CD58: variants seen among roughly 807,000 people sequenced by gnomAD.
CD58 encodes the protein CD58 molecule, also known as lymphocyte function-associated antigen 3.
In CD58, 14 loss-of-function variants were observed where a neutral mutation model predicts 27.6. The observed-to-expected ratio is 0.51, with a 90% CI of 0.34 to 0.79. CD58 has a LOEUF of 0.79. CD58 is among the 30% of genes least tolerant of loss of function. The pLI, the probability that CD58 is intolerant of heterozygous loss-of-function variation, is 0.02. For synonymous variants in CD58, 117 were observed against 103.8 expected, an observed-to-expected ratio of 1.13 and a Z score of -0.77; for missense variants, 268 against 301.7, an observed-to-expected ratio of 0.89 and a Z score of 0.83.
intron 3 of CD58, among the ~76,000 whole-genome samples, chr1:116,526,017 T>C (rs1657419164): frequency 6.6e-6 from 1 of 152,218 alleles, no homozygotes; most frequent in South Asian, 2.1e-4. Flanking sequence ...TGTGATGAGA[T>C]CTTTGACTCA....
chr1:116,553,280 T>C (rs1251136286), intron 1 of CD58, among the ~76,000 whole-genome samples: 1 of 152,152 alleles, frequency 6.6e-6, no homozygotes, highest in Admixed American at 6.5e-5. Context: ...ATATCTTCCA[T>C]ACAAAGTTTC....
chr1:116,537,395 T>G (rs1175277610), intron 2 of CD58, among the ~76,000 whole-genome samples: 1 of 152,226 alleles, frequency 6.6e-6, no homozygotes, highest in East Asian at 1.9e-4. Context: ...AAAATTTTAA[T>G]TCCATAACAC....
Position 116,517,608 on chromosome 1 carries a change from C to A in CD58, c.743+1623G>T, listed in dbSNP as rs2101150978. On this transcript the variant is annotated intron_variant, in intron 5 of 5. Transcript: ENST00000369489. This position sits in a 1 kb window ranked among gnomAD's most constrained non-coding sequence, Gnocchi z 6.5. ...TTGTCTCTGCAGCTTTAACATGTAG[C>A]CTCCTCCCTCGAGTCTCTAACCCGG... Among the ~76,000 whole-genome samples the A allele has an allele frequency of 6.6e-6, 1 of 152,298 alleles. No homozygotes were observed. The highest frequency in any genetic ancestry group is 2.1e-4 in the South Asian group (1 of 4,828).
In CD58 at chr1:116,532,778, G is replaced by C. The variant is rs1657658774; in HGVS notation, c.628+3187C>G. 6.6e-6 allele frequency among the ~76,000 whole-genome samples: 1 copy of C among 152,230 alleles called. No individual in the cohort carries two copies. Among genetic ancestry groups the C allele is most frequent in the African/African-American group, 2.4e-5 (1 of 41,462 alleles). On this transcript the variant is annotated intron_variant, in intron 3 of 5. Transcript: ENST00000369489. The surrounding 1 kb of genome is among the most constrained non-coding windows in gnomAD (Gnocchi z 5.1). ...CTGTACACATTAAGCAAAATAATAA[G>C]GAAAAAGGAAAAGTGAAAGTGAAAA...
intron 5 of CD58, among the ~76,000 whole-genome samples, chr1:116,518,034 T>C (rs1328456262): frequency 6.6e-6 from 1 of 152,150 alleles, no homozygotes; most frequent in East Asian, 1.9e-4. Context: ...ATTGTAAGCA[T>C]TGTACTTATA....
chr1:116,555,352 TTC>T (rs1474555893), intron 1 of CD58, among the ~76,000 whole-genome samples: 1 of 152,184 alleles, frequency 6.6e-6, no homozygotes, highest in Non-Finnish European at 1.5e-5. Context: ...TTCAAAGGTT[TTC>T]TCTCTTTTTC....
chr1:116,557,735 G>A lies in CD58; in HGVS notation c.71-13131C>T, dbSNP rs1254264089. ...GTCACCCAGGTTGGTGTGCAGTGGT[G>A]CAATCGTGGCTCACTGTAGCTTCAA... is the stretch of plus-strand genomic sequence containing the variant. On this transcript the variant is annotated intron_variant, in intron 1 of 5. Coordinates refer to ENST00000369489, the MANE Select transcript of CD58 (RefSeq NM_001779.3). The surrounding 1 kb of genome is among the most constrained non-coding windows in gnomAD (Gnocchi z 5.2). Among the ~76,000 whole-genome samples, 4 of 151,630 alleles carry A rather than the reference G, an allele frequency of 2.6e-5. No homozygotes were observed. The highest frequency in any genetic ancestry group is 5.9e-5 in the Non-Finnish European group (4 of 67,962).
intron 1 of CD58, among the ~76,000 whole-genome samples, chr1:116,561,956 A>T (rs1400436920): frequency 6.6e-6 from 1 of 152,220 alleles, no homozygotes; most frequent in East Asian, 1.9e-4. Flanking sequence ...CTCTGTTATA[A>T]CACTGGGCCT....
intron 2 of CD58, among the ~76,000 whole-genome samples, chr1:116,540,519 C>G (rs191755199): frequency 4.9e-4 from 74 of 152,174 alleles, no homozygotes; most frequent in Non-Finnish European, 8.7e-4. Flanking sequence ...CTCTTTAATC[C>G]ATCATAAGTA....
intron 1 of CD58, among the ~76,000 whole-genome samples, chr1:116,566,695 G>A (rs1347705627): frequency 1.3e-5 from 2 of 152,076 alleles, no homozygotes; most frequent in Non-Finnish European, 2.9e-5. Flanking sequence ...TGGGGTTGCC[G>A]AGCATCAAAA....
intron 3 of CD58, among the ~76,000 whole-genome samples, chr1:116,530,572 A>G (rs2101167232): frequency 6.6e-6 from 1 of 152,300 alleles, no homozygotes. Context: ...AGTGGTGAGG[A>G]GCAAATGAGG....
rs1657629425 is a variant in CD58 at position 116,532,019 on chromosome 1, A to G, written c.628+3946T>C. Among the ~76,000 whole-genome samples the G allele has an allele frequency of 6.6e-6, 1 of 152,246 alleles. No homozygotes were observed. Among genetic ancestry groups the G allele is most frequent in the Non-Finnish European group, 1.5e-5 (1 of 68,040 alleles). ...GCAATGGGACTACTGAGAAAGCAGG[A>G]CTTGACGCTCATATGCTCAAATGAA... On this transcript the variant is annotated intron_variant, in intron 3 of 5. Transcript: ENST00000369489. This position sits in a 1 kb window ranked among gnomAD's most constrained non-coding sequence, Gnocchi z 5.1.
chr1:116,540,474 C>T (rs1256144368), intron 2 of CD58, among the ~76,000 whole-genome samples: 2 of 152,184 alleles, frequency 1.3e-5, no homozygotes, highest in African/African-American at 2.4e-5. Context: ...CCTCTATCTA[C>T]CTGGATGATA....
rs920733344 is a variant in CD58 at position 116,541,505 on chromosome 1, T to C, written c.364+2806A>G. Reference sequence around the variant, plus strand: ...CTGACTTCTGTTTTAAAAAGATCATTCTGGTAGAACCAATACAACTTCCTG... The same window carrying C: ...CTGACTTCTGTTTTAAAAAGATCATCCTGGTAGAACCAATACAACTTCCTG... On this transcript the variant is annotated intron_variant, in intron 2 of 5. Coordinates refer to ENST00000369489, the MANE Select transcript of CD58 (RefSeq NM_001779.3). The surrounding 1 kb of genome is among the most constrained non-coding windows in gnomAD (Gnocchi z 5.3). 2.0e-5 allele frequency among the ~76,000 whole-genome samples: 3 copies of C among 152,202 alleles called. No homozygotes were observed. Among genetic ancestry groups the C allele is most frequent in the African/African-American group, 7.2e-5 (3 of 41,452 alleles).
Position 116,530,547 on chromosome 1 carries a change from C to T in CD58, c.628+5418G>A, listed in dbSNP as rs186677622. Among the ~76,000 whole-genome samples the T allele has an allele frequency of 8.5e-4, 129 of 152,168 alleles. 2 individuals are homozygous for T. Among genetic ancestry groups the T allele is most frequent in the Middle Eastern group, 6.8e-3 (2 of 294 alleles). On this transcript the variant is annotated intron_variant, in intron 3 of 5. Coordinates refer to ENST00000369489, the MANE Select transcript of CD58 (RefSeq NM_001779.3). ...TAAAAGGTAAGTAACAACTGTCTGG[C>T]CAATCTAAAATGATAGTGGTGAGGA...
Position 116,544,559 on chromosome 1 carries a change from C to T in CD58, c.116G>A (p.Gly39Glu). The T allele has an allele frequency of 6.2e-7, 1 of 1,612,548 alleles. No individual in the cohort carries two copies. ...GCTTGGTACATGGAAAGTTACATTCCCATACACAACACCATATATTTGTTG... is the reference window on the plus strand; with the variant it reads ...GCTTGGTACATGGAAAGTTACATTCTCATACACAACACCATATATTTGTTG... ...FSQQIYGVVY[G>E]NVTFHVPSNV... is the part of the protein sequence containing the mutation. Residue 39 changes from glycine (G) to glutamate (E), a missense_variant, in exon 2 of 6, where the codon GGG (glycine) becomes GAG (glutamate). Transcript: ENST00000369489.
Position 116,522,119 on chromosome 1 carries a change from T to C in CD58, c.629-136A>G, listed in dbSNP as rs1381024879. 1.4e-5 allele frequency: 8 copies of C among 573,848 alleles called. No homozygotes were observed. The highest frequency in any genetic ancestry group is 2.2e-5 in the Non-Finnish European group (7 of 313,356). 35.5% of individuals were successfully genotyped at this position (573,848 alleles called of 1,614,324 possible). On this transcript the variant is annotated intron_variant, in intron 3 of 5. Transcript: ENST00000369489. This position sits in a 1 kb window ranked among gnomAD's most constrained non-coding sequence, Gnocchi z 4.6. The stretch of plus-strand genomic sequence containing the variant: ...ATCCACAAATCAATACCCAAAGCAG[T>C]CATTCTCAGACATAAGAACAGTGAT...
Position 116,517,197 on chromosome 1 carries a change from G to C in CD58, c.743+2034C>G, listed in dbSNP as rs1006843544. 2.0e-5 allele frequency among the ~76,000 whole-genome samples: 3 copies of C among 151,850 alleles called. No homozygotes were observed. Among genetic ancestry groups the C allele is most frequent in the Non-Finnish European group, 2.9e-5 (2 of 67,988 alleles). On this transcript the variant is annotated intron_variant, in intron 5 of 5. Coordinates refer to ENST00000369489, the MANE Select transcript of CD58 (RefSeq NM_001779.3). This position sits in a 1 kb window ranked among gnomAD's most constrained non-coding sequence, Gnocchi z 6.5. ...GCTCTCACACTCACCTGGGGCTCAC[G>C]CATATTGCTCAGATCTGAAATGCCT... is the stretch of plus-strand genomic sequence containing the variant.
In CD58 at chr1:116,557,871, A is replaced by G. The variant is rs1441077402; in HGVS notation, c.70+13032T>C. Among the ~76,000 whole-genome samples the G allele has an allele frequency of 1.3e-5, 2 of 151,862 alleles. No individual in the cohort carries two copies. Among genetic ancestry groups the G allele is most frequent in the Non-Finnish European group, 2.9e-5 (2 of 67,982 alleles). On this transcript the variant is annotated intron_variant, in intron 1 of 5. Transcript: ENST00000369489. This position sits in a 1 kb window ranked among gnomAD's most constrained non-coding sequence, Gnocchi z 5.2. ...ATATTTTTTGTAGAAACAAGGTCTC[A>G]CTATGTTGCTCAGGCTGATCTCAAA...
Sources: gnomAD v4.1 joint callset for allele counts (sites outside exome capture counted in the v4.1 genomes callset) on GRCh38, gnomAD v4.1.1 for gene constraint, Gnocchi (gnomAD v3.1) non-coding constraint, MANE v1.5 for transcripts, NCBI Gene and HGNC (gene_info 2026-07-23, HGNC 2026-07-21) for gene names.